The following DLGAP2 variants were observed in gnomAD, a reference collection of about 807,000 sequenced individuals.
DLGAP2 encodes the protein DLG associated protein 2.
DLGAP2 carries 26 observed loss-of-function variants against 100.3 expected under a neutral mutation model. The ratio of observed to expected loss-of-function variants is 0.26; its 90% CI spans 0.19 to 0.36. The LOEUF (loss-of-function observed/expected upper bound fraction) is 0.36. DLGAP2 is among the 10% of genes least tolerant of loss of function. The pLI is 1.00. For missense variants in DLGAP2, 1,858 were observed against 1,453.2 expected, an observed-to-expected ratio of 1.28 and a Z score of -4.53; for synonymous variants, 886 against 630.1, an observed-to-expected ratio of 1.41 and a Z score of -6.08.
intron 3 of DLGAP2, among the ~76,000 whole-genome samples, chr8:1,357,110 C>T (rs76691711): frequency 0.1 from 15,108 of 151,604 alleles, 940 homozygotes; most frequent in Middle Eastern, 0.2. Context: ...CCACCCAAAA[C>T]TAATATACAG....
intron 1 of DLGAP2, among the ~76,000 whole-genome samples, chr8:849,188 T>C (rs184541386): frequency 6.6e-6 from 1 of 151,776 alleles, no homozygotes; most frequent in East Asian, 1.9e-4. Flanking sequence ...CAGTCTAGGA[T>C]CTTGTGGTGC....
chr8:1,114,225 G>A (rs191752139), intron 2 of DLGAP2, among the ~76,000 whole-genome samples: 3 of 152,234 alleles, frequency 2.0e-5, no homozygotes, highest in Admixed American at 6.5e-5. Context: ...AATGAGTTGG[G>A]GAGGAGTCCC....
At chr8:908,956 C>T (rs1459348095) in intron 2 of DLGAP2, among the ~76,000 whole-genome samples, 1 of 151,550 alleles carries the variant, frequency 6.6e-6, no homozygotes, top group Non-Finnish European at 1.5e-5. Flanking sequence ...GTTGACTCAC[C>T]ACTAAGAATG....
rs376747135 is a variant in DLGAP2, at chr8:1,688,734, C to G, written c.2705-2801C>G. ...AAAATAGGTTTTTAAGTCCATTATC[C>G]TACCCAGGAGAAAATCACTTTGAAG... On this transcript the variant is annotated intron_variant, in intron 12 of 14. Coordinates refer to ENST00000637795, the MANE Select transcript of DLGAP2 (RefSeq NM_001346810.2). 2.6e-5 allele frequency among the ~76,000 whole-genome samples: 4 copies of G among 152,252 alleles called. No individual in the cohort carries two copies. The East Asian group carries it at 5.8e-4, about 22-fold the overall frequency.
At chr8:1,677,946 C>G (rs1002593396) in intron 11 of DLGAP2, among the ~76,000 whole-genome samples, 1 of 152,218 alleles carries the variant, frequency 6.6e-6, no homozygotes, top group Non-Finnish European at 1.5e-5. Context: ...AACACGTTAA[C>G]TCTCATTGTA....
At chr8:1,298,257 C>G (rs1225180855) in intron 3 of DLGAP2, among the ~76,000 whole-genome samples, 4 of 152,142 alleles carry the variant, frequency 2.6e-5, no homozygotes, top group Admixed American at 6.5e-5. Flanking sequence ...TATAAGTGAT[C>G]AAGTAAAAGT....
chr8:1,048,352 G>A (rs1193023494), intron 2 of DLGAP2, among the ~76,000 whole-genome samples: 1 of 152,088 alleles, frequency 6.6e-6, no homozygotes, highest in Non-Finnish European at 1.5e-5. Flanking sequence ...AGTTCCATCT[G>A]ACTTCAAAGC....
chr8:1,579,364 C>A (rs1803131858), intron 6 of DLGAP2, among the ~76,000 whole-genome samples: 1 of 151,824 alleles, frequency 6.6e-6, no homozygotes, highest in Non-Finnish European at 1.5e-5. Flanking sequence ...TATGAGTATT[C>A]TGTACTCTGG....
intron 2 of DLGAP2, among the ~76,000 whole-genome samples, chr8:1,220,488 T>A (rs962492294): frequency 1.3e-5 from 2 of 152,214 alleles, no homozygotes; most frequent in South Asian, 4.1e-4. Context: ...TGATTTGGGT[T>A]TATTTCAATT....
At chr8:1,173,593 G>A (rs535292869) in intron 2 of DLGAP2, among the ~76,000 whole-genome samples, 16 of 152,246 alleles carry the variant, frequency 1.1e-4, no homozygotes, top group African/African-American at 3.6e-4. Context: ...AATGGTGGGC[G>A]CCCCTCCCCC....
chr8:1,407,499 G>C (rs1355458871), intron 3 of DLGAP2, among the ~76,000 whole-genome samples: 1 of 146,914 alleles, frequency 6.8e-6, no homozygotes, highest in Admixed American at 6.7e-5. Flanking sequence ...AGTGCTTACT[G>C]AGCGCCACCT....
intron 1 of DLGAP2, among the ~76,000 whole-genome samples, chr8:898,808 G>A (rs114402537): frequency 0.012 from 1,809 of 152,314 alleles, 30 homozygotes; most frequent in African/African-American, 0.04. Context: ...TCACTCTCCC[G>A]TGTAAAATGG....
At chr8:1,495,016 C>T (rs1370460089) in intron 3 of DLGAP2, among the ~76,000 whole-genome samples, 1 of 152,222 alleles carries the variant, frequency 6.6e-6, no homozygotes, top group Admixed American at 6.5e-5. Context: ...TTTAAATCCT[C>T]ATACGTGCCA....
chr8:1,041,603 T>C (rs1802350738), intron 2 of DLGAP2, among the ~76,000 whole-genome samples: 1 of 130,430 alleles, frequency 7.7e-6, no homozygotes, highest in Non-Finnish European at 1.6e-5. Flanking sequence ...TGGGTGAGTG[T>C]TCTCCGAGCC....
intron 6 of DLGAP2, among the ~76,000 whole-genome samples, chr8:1,601,945 GGTGT>G (rs55762722): frequency 1.3e-3 from 190 of 146,446 alleles, no homozygotes; most frequent in Middle Eastern, 3.5e-3. Flanking sequence ...AATTTAACAG[GGTGT>G]GTGTGTGTGT....
intron 14 of DLGAP2, 108 bp from the exon 15 acceptor site, chr8:1,701,080 G>C: frequency 9.9e-7 from 1 of 1,014,456 alleles, no homozygotes; most frequent in Non-Finnish European, 1.4e-6. Flanking sequence ...TGCGGCCCTG[G>C]GGGCTGCGGT....
chr8:1,431,563 T>A (rs1797440539), intron 3 of DLGAP2, among the ~76,000 whole-genome samples: 1 of 152,142 alleles, frequency 6.6e-6, no homozygotes, highest in African/African-American at 2.4e-5. Flanking sequence ...ATGCACGAGT[T>A]CCCAGGCCAA....
chr8:1,203,720 C>T (rs1486586690), intron 2 of DLGAP2, among the ~76,000 whole-genome samples: 4 of 152,196 alleles, frequency 2.6e-5, no homozygotes, highest in Non-Finnish European at 5.9e-5. Flanking sequence ...CAACCACACA[C>T]ACAAATGATT....
rs374094405 is a variant in DLGAP2 at position 1,529,956 on chromosome 8, A to T, written c.173-18670A>T. The stretch of plus-strand genomic sequence containing the variant: ...GAATAGGTGTGGGTCACAGACATCA[A>T]GTACTTTACAAGGTAATAGAATACC... On this transcript the variant is annotated intron_variant, in intron 4 of 14. Transcript: ENST00000637795. Among the ~76,000 whole-genome samples the T allele has an allele frequency of 3.3e-5, 5 of 152,344 alleles. No homozygotes were observed. In the East Asian group the frequency reaches 5.8e-4, roughly 18 times the overall value.
Sources: gnomAD v4.1 joint callset for allele counts (sites outside exome capture counted in the v4.1 genomes callset) on GRCh38, gnomAD v4.1.1 for gene constraint, MANE v1.5 for transcripts, NCBI Gene and HGNC (gene_info 2026-07-23, HGNC 2026-07-21) for gene names.